Variants in AVL9 observed in about 807,000 individuals in gnomAD.
The protein encoded by AVL9 is AVL9 cell migration associated, also known as late secretory pathway protein AVL9 homolog.
Under a neutral mutation model 79.2 loss-of-function variants are expected in AVL9, and 49 were observed. The observed-to-expected ratio is 0.62, with a 90% CI of 0.49 to 0.79. The LOEUF (loss-of-function observed/expected upper bound fraction) is 0.79. Among genes scored for constraint, AVL9 ranks in the 30% least tolerant of loss-of-function variants. The pLI is 0.00. For missense variants in AVL9, 682 were observed against 776.8 expected (o/e 0.88, Z 1.45); for synonymous variants, 299 against 280.6 (o/e 1.07, Z -0.65).
At chr7:32,568,247 C>G (rs1252865993) in intron 10 of AVL9, among the ~76,000 whole-genome samples, 3 of 150,792 alleles carry the variant, frequency 2.0e-5, no homozygotes, top group African/African-American at 7.3e-5. Flanking sequence ...GTCGCCCAGG[C>G]TGGAGTACGA....
intron 1 of AVL9, among the ~76,000 whole-genome samples, chr7:32,503,494 G>C (rs1268514768): frequency 3.4e-5 from 5 of 145,578 alleles, no homozygotes; most frequent in Non-Finnish European, 7.5e-5. Flanking sequence ...GGAGGCAGAG[G>C]TTGCAGTGAG....
At chr7:32,574,389 A>G (rs1418430323) in intron 12 of AVL9, among the ~76,000 whole-genome samples, 1 of 152,240 alleles carries the variant, frequency 6.6e-6, no homozygotes, top group Non-Finnish European at 1.5e-5. Flanking sequence ...GTTTGCCACC[A>G]CTAACAATGT....
At chr7:32,579,327 TAA>T (rs1308632371) in intron 13 of AVL9, among the ~76,000 whole-genome samples, 17 of 29,332 alleles carry the variant, frequency 5.8e-4, no homozygotes, top group Non-Finnish European at 2.8e-4. Flanking sequence ...ATATTTTATA[TAA>T]TATATATAAC....
chr7:32,543,796 TA>T (rs953692974), intron 2 of AVL9, among the ~76,000 whole-genome samples: 8 of 152,378 alleles, frequency 5.3e-5, no homozygotes, highest in African/African-American at 1.9e-4. Context: ...CTTACCACCC[TA>T]TAACTGAGTA....
rs563199585 is a variant in AVL9, at chr7:32,578,742, G to A, written c.1689-1477G>A. On this transcript the variant is annotated intron_variant, in intron 13 of 15. Coordinates refer to ENST00000318709, the MANE Select transcript of AVL9 (RefSeq NM_015060.3). Reference sequence around the variant, plus strand: ...GAGAATCGCTTGAACCTGGGAGGCAGGTTGCAGTGAGCTGAGATTGCGCCA... The same window carrying A: ...GAGAATCGCTTGAACCTGGGAGGCAAGTTGCAGTGAGCTGAGATTGCGCCA... Among the ~76,000 whole-genome samples the A allele has an allele frequency of 1.2e-4, 18 of 152,260 alleles. No individual in the cohort carries two copies. The South Asian group carries it at 1.2e-3, about 11-fold the overall frequency.
chr7:32,500,545 C>G (rs559465541), intron 1 of AVL9, among the ~76,000 whole-genome samples: 10 of 151,982 alleles, frequency 6.6e-5, no homozygotes, highest in Non-Finnish European at 1.5e-4. Context: ...CCTGTTCACT[C>G]TAATGCTAGT....
intron 1 of AVL9, among the ~76,000 whole-genome samples, chr7:32,518,491 A>AG (rs1788004469): frequency 6.6e-6 from 1 of 152,078 alleles, no homozygotes; most frequent in African/African-American, 2.4e-5. Context: ...CAAAAAAAAA[A>AG]GTATGCTCTT....
chr7:32,518,367 A>G (rs965283577), intron 1 of AVL9, among the ~76,000 whole-genome samples: 3 of 152,224 alleles, frequency 2.0e-5, no homozygotes, highest in African/African-American at 7.2e-5. Context: ...ATGTAATGGA[A>G]TAAATACTTA....
chr7:32,555,348 A>G (rs546840176), intron 8 of AVL9, among the ~76,000 whole-genome samples: 1 of 152,266 alleles, frequency 6.6e-6, no homozygotes, highest in South Asian at 2.1e-4. Flanking sequence ...AAAAAATAAC[A>G]ATTAAAAAAG....
chr7:32,542,645 G>C (rs1789268899), intron 1 of AVL9, among the ~76,000 whole-genome samples: 1 of 152,168 alleles, frequency 6.6e-6, no homozygotes, highest in Non-Finnish European at 1.5e-5. Flanking sequence ...TTTTACCGTT[G>C]GCTTTCCTGT....
In AVL9 at chr7:32,570,168, T is replaced by G; in HGVS notation, c.1350+14T>G. 1 of 1,613,990 alleles carries G rather than the reference T, an allele frequency of 6.2e-7. No individual in the cohort carries two copies. Among genetic ancestry groups the G allele is most frequent in the Non-Finnish European group, 8.5e-7 (1 of 1,179,896 alleles). On this transcript the variant is annotated intron_variant, in intron 11 of 15. Transcript: ENST00000318709. ...GCCATTGTGGAAGTACGTTTATGTG[T>G]GAGTGTGTGTATTTGGCCCTGCTCA... is the stretch of plus-strand genomic sequence containing the variant.
Position 32,580,659 on chromosome 7 carries a change from T to C in AVL9, c.1743-143T>C, listed in dbSNP as rs114152077. On this transcript the variant is annotated intron_variant, in intron 14 of 15. Transcript: ENST00000318709. The stretch of plus-strand genomic sequence containing the variant: ...TAATAAATTAATTCATAACAAATAA[T>C]AATTTAGCTTCTTTTCTCAGTAATT... The C allele has an allele frequency of 3.9e-3, 2,414 of 612,100 alleles. 36 individuals carry two copies. Among genetic ancestry groups the C allele is most frequent in the African/African-American group, 0.036 (1,936 of 53,626 alleles). The allele number at this position is 612,100 out of a possible 1,614,324, so 37.9% of individuals were successfully genotyped here.
rs1459589913 is a variant in AVL9 at position 32,579,437 on chromosome 7, T to TAA, written c.1689-782_1689-781insAA. Among the ~76,000 whole-genome samples, 13 of 9,694 alleles carry TAA rather than the reference T, an allele frequency of 1.3e-3. 3 individuals carry two copies. The highest frequency in any genetic ancestry group is 6.1e-3 in the African/African-American group (12 of 1,952). The allele number at this position is 9,694 out of a possible 152,430, so 6.4% of individuals were successfully genotyped here. ...ATATGTTATATATATAATATATATATTATATATAATATATTATATATTATA... is the reference window on the plus strand; with the variant it reads ...ATATGTTATATATATAATATATATATAATATATATAATATATTATATATTATA... On this transcript the variant is annotated intron_variant, in intron 13 of 15. Transcript: ENST00000318709.
chr7:32,556,718 C>A (rs1419331541), intron 8 of AVL9, among the ~76,000 whole-genome samples: 1 of 152,084 alleles, frequency 6.6e-6, no homozygotes, highest in Non-Finnish European at 1.5e-5. Flanking sequence ...CTATTAAGTA[C>A]ATTCATGTTA....
rs756212342 is a variant in AVL9 at position 32,554,582 on chromosome 7, C to A, written c.595C>A (p.Leu199Ile). 5 of 1,518,120 alleles carry A rather than the reference C, an allele frequency of 3.3e-6. No homozygotes were observed. The highest frequency in any genetic ancestry group is 2.5e-5 in the South Asian group (2 of 79,252). 94.0% of individuals were successfully genotyped at this position (1,518,120 alleles called of 1,614,324 possible). A position where few individuals can be genotyped will look rare whatever the true frequency, so the allele number is the denominator to read the frequency against. ...HKVLILFKLILLEKKVLFYIS... is the reference protein window; with the variant it reads ...HKVLILFKLIILEKKVLFYIS... ...GGTCTTAATCCTATTTAAGCTAATT[C>A]TTCTTGAAAAAAAGGTACGATCCTA... The change falls in exon 8 of 16, where the codon CTT becomes ATT. Residue 199 changes from leucine (L) to isoleucine (I), a missense_variant. Coordinates refer to ENST00000318709, the MANE Select transcript of AVL9 (RefSeq NM_015060.3).
At chr7:32,532,462 C>T (rs1248135004) in intron 1 of AVL9, 1 of 152,162 alleles carries the variant, frequency 6.6e-6, no homozygotes, top group Non-Finnish European at 1.5e-5. Context: ...ATCTCTACCT[C>T]CATCCCTATC....
At chr7:32,576,696 G>A (rs529412256) in intron 13 of AVL9, among the ~76,000 whole-genome samples, 1 of 152,110 alleles carries the variant, frequency 6.6e-6, no homozygotes, top group Non-Finnish European at 1.5e-5. Context: ...TGAGACAGGA[G>A]AATCCCTTGA....
intron 3 of AVL9, among the ~76,000 whole-genome samples, chr7:32,546,085 A>ATTTTTTTTTTTTTTTTTTT (rs1562779099): frequency 6.5e-5 from 2 of 30,960 alleles, no homozygotes; most frequent in African/African-American, 1.7e-4. Flanking sequence ...TTTTTTTTTA[A>ATTTTTTTTTTTTTTTTTTT]ATATCTGTAC....
chr7:32,548,744 T>C (rs1789654854), intron 3 of AVL9, 103 bp from the exon 4 acceptor site: 1 of 759,800 alleles, frequency 1.3e-6, no homozygotes, highest in East Asian at 3.1e-5. Flanking sequence ...TTTAACTGAA[T>C]GTAAGAAATT....
Sources: gnomAD v4.1 joint callset for allele counts (sites outside exome capture counted in the v4.1 genomes callset) on GRCh38, gnomAD v4.1.1 for gene constraint, MANE v1.5 for transcripts, NCBI Gene and HGNC (gene_info 2026-07-23, HGNC 2026-07-21) for gene names.